DMBT1: variants seen among roughly 807,000 people sequenced by gnomAD.
DMBT1 encodes scavenger receptor cysteine-rich domain-containing protein DMBT1.
In DMBT1, 198 loss-of-function variants were observed where a neutral mutation model predicts 252.9. The observed-to-expected ratio is 0.78, with a 90% CI of 0.70 to 0.88. The LOEUF is 0.88. Ranked by LOEUF, DMBT1 falls within the 40% of genes least tolerant of loss-of-function variation. The pLI, the probability that DMBT1 is intolerant of heterozygous loss-of-function variation, is 0.00. For missense variants in DMBT1, 2,432 were observed against 2,404.7 expected (o/e 1.01, Z -0.24); for synonymous variants, 990 against 942.7 (o/e 1.05, Z -0.92).
At chr10:122,632,763 A>T in intron 50 of DMBT1, 98 bp from the exon 51 acceptor site, 1 of 1,506,672 alleles carries the variant, frequency 6.6e-7, no homozygotes, top group Non-Finnish European at 9.1e-7. Flanking sequence ...CTCCCTGTGG[A>T]CTCAGGCTTG....
intron 27 of DMBT1, 107 bp downstream of exon 27, chr10:122,600,200 A>T: frequency 6.9e-7 from 1 of 1,440,846 alleles, no homozygotes; most frequent in Non-Finnish European, 9.4e-7. Context: ...ACTGTGGGGC[A>T]TATTATTTCT....
chr10:122,579,611 A>T lies in DMBT1; in HGVS notation c.713A>T (p.Asn238Ile), dbSNP rs2097747816. The T allele has an allele frequency of 6.2e-7, 1 of 1,613,306 alleles. No individual in the cohort carries two copies. The highest frequency in any genetic ancestry group is 1.3e-5 in the African/African-American group (1 of 74,896). ...TCCAGTTTGGCCCTGAGGCTGGTGA[A>T]TGGAGGCGACAGGTGTCGAGGCCGA... ...SESSLALRLV[N>I]GGDRCRGRVE... The change falls in exon 10 of 56, where the codon AAT becomes ATT. Residue 238 changes from asparagine to isoleucine, a missense_variant. Asn to Ile is a moderately radical substitution (Grantham distance 149, BLOSUM62 -3). This residue lies in a region of DMBT1 where 1,264 missense variants were observed against 1,082.2 expected (regional missense o/e 1.17). Transcript: ENST00000338354.
Position 122,593,097 on chromosome 10 carries a change from T to C in DMBT1, c.2501-472T>C, listed in dbSNP as rs538613519. 8.1e-5 allele frequency among the ~76,000 whole-genome samples: 12 copies of C among 148,992 alleles called. 1 individual carries two copies. The highest frequency in any genetic ancestry group is 4.5e-4 in the South Asian group (2 of 4,438). On this transcript the variant is annotated intron_variant, in intron 20 of 55. Coordinates refer to ENST00000338354, the MANE Select transcript of DMBT1 (RefSeq NM_001377530.1). ...GTCTGGTTCTATCAGGCCTGGGTTG[T>C]GTGAGGTTGGAGTCCTTGACCTCAG...
intron 8 of DMBT1, among the ~76,000 whole-genome samples, chr10:122,578,049 TC>T (rs2097728473): frequency 6.6e-6 from 1 of 152,206 alleles, no homozygotes; most frequent in Non-Finnish European, 1.5e-5. Flanking sequence ...TCAGCTTTCA[TC>T]ACACAGTTCC....
intron 15 of DMBT1, 94 bp downstream of exon 15, chr10:122,585,403 CCT>C (rs2097781033): frequency 6.9e-7 from 1 of 1,453,970 alleles, no homozygotes; most frequent in African/African-American, 1.4e-5. Flanking sequence ...AAGGTGGGCC[CCT>C]CTGTTTTTCA....
At chr10:122,564,993 A>G (rs957099223) in intron 1 of DMBT1, among the ~76,000 whole-genome samples, 4 of 151,952 alleles carry the variant, frequency 2.6e-5, no homozygotes, top group African/African-American at 4.8e-5. Context: ...ACTGCATTCA[A>G]TGAAAGCTAA....
Position 122,640,348 on chromosome 10 carries a change from C to T in DMBT1, c.7251C>T (p.Ile2417=), listed in dbSNP as rs867396278. 5 of 1,614,072 alleles carry T rather than the reference C, an allele frequency of 3.1e-6. No homozygotes were observed. The highest frequency in any genetic ancestry group is 4.2e-6 in the Non-Finnish European group (5 of 1,179,908). ...LNQDLYVQAE[I]LHSDAVLTLF... is the part of the protein sequence containing the mutation. ...AGGACTTGTACGTTCAGGCTGAAAT[C>T]CTCCATTCTGATGCTGTACTGACCT... Residue 2417 remains isoleucine, a synonymous_variant, in exon 55 of 56, where the codon ATC becomes ATT. Transcript: ENST00000338354.
intron 25 of DMBT1, among the ~76,000 whole-genome samples, chr10:122,598,521 G>T (rs545689446): frequency 6.6e-6 from 1 of 152,268 alleles, no homozygotes; most frequent in African/African-American, 2.4e-5. Context: ...AGGGAATGGG[G>T]TTTCCATTCC....
intron 1 of DMBT1, among the ~76,000 whole-genome samples, chr10:122,564,672 T>A (rs573567136): frequency 4.6e-5 from 7 of 152,206 alleles, no homozygotes; most frequent in Non-Finnish European, 8.8e-5. Flanking sequence ...GAAGTTCTTG[T>A]TGCAAAATAT....
chr10:122,587,010 C>T (rs2097795756), intron 16 of DMBT1, among the ~76,000 whole-genome samples: 1 of 148,400 alleles, frequency 6.7e-6, no homozygotes, highest in Non-Finnish European at 1.5e-5. Context: ...TACCCCTGAC[C>T]AGGGAGGACA....
intron 50 of DMBT1, 48 bp downstream of exon 50, chr10:122,631,923 C>G (rs1441917268): frequency 3.1e-6 from 5 of 1,596,098 alleles, no homozygotes; most frequent in Non-Finnish European, 4.3e-6. Flanking sequence ...CCAGGTCTCT[C>G]CATTACTGCT....
chr10:122,632,543 T>G (rs1400510835), intron 50 of DMBT1, among the ~76,000 whole-genome samples: 2 of 152,126 alleles, frequency 1.3e-5, no homozygotes, highest in Non-Finnish European at 2.9e-5. Context: ...TTCCTCTGCC[T>G]GGGACACCCC....
At chr10:122,589,375 T>C (rs2097826617) in intron 17 of DMBT1, 108 bp downstream of exon 17, 1 of 1,488,246 alleles carries the variant, frequency 6.7e-7, no homozygotes, top group Admixed American at 1.9e-5. Flanking sequence ...CTTTCCTATG[T>C]TTCTGATATC....
In DMBT1 at chr10:122,643,158, G is replaced by A. The variant is rs745517819; in HGVS notation, c.7389G>A (p.Ser2463=). The A allele has an allele frequency of 1.2e-6, 2 of 1,613,778 alleles. No homozygotes were observed. Among genetic ancestry groups the A allele is most frequent in the African/African-American group, 1.3e-5 (1 of 74,884 alleles). The change falls in exon 56 of 56, where the codon TCG becomes TCA. Residue 2463 remains serine (S), a synonymous_variant. Transcript: ENST00000338354. Reference sequence around the variant, plus strand: ...ATGACACCTACGGACCCTACTCCTCGCCATCTCTTCGCATTGCCCGCTTCC... The same window carrying A: ...ATGACACCTACGGACCCTACTCCTCACCATCTCTTCGCATTGCCCGCTTCC... ...VRDDTYGPYS[S]PSLRIARFRF...
At chr10:122,617,913 C>T (rs1036901592) in intron 40 of DMBT1, 104 bp from the exon 41 acceptor site, 4 of 1,553,216 alleles carry the variant, frequency 2.6e-6, no homozygotes, top group Non-Finnish European at 3.5e-6. Flanking sequence ...TGACTGCTTG[C>T]CCAGGTGACT....
At position 122,579,720 on chromosome 10, in the gene DMBT1, G is replaced by A. The variant is rs772783083; in HGVS notation, c.822G>A (p.Gln274=). The A allele has an allele frequency of 5.6e-6, 9 of 1,613,776 alleles. No homozygotes were observed. Among genetic ancestry groups the A allele is most frequent in the East Asian group, 2.2e-5 (1 of 44,874 alleles). The part of the protein sequence containing the change: ...DTNDANVVCR[Q]LGCGWAMSAP... Reference sequence around the variant, plus strand: ...ATGATGCCAATGTGGTCTGCAGGCAGCTGGGCTGTGGCTGGGCCATGTCAG... The same window carrying A: ...ATGATGCCAATGTGGTCTGCAGGCAACTGGGCTGTGGCTGGGCCATGTCAG... The change falls in exon 10 of 56, where the codon CAG becomes CAA. Residue 274 remains glutamine (Q), a synonymous_variant. Coordinates refer to ENST00000338354, the MANE Select transcript of DMBT1 (RefSeq NM_001377530.1).
intron 15 of DMBT1, 76 bp from the exon 16 acceptor site, chr10:122,585,984 C>T: frequency 6.3e-7 from 1 of 1,578,332 alleles, no homozygotes; most frequent in South Asian, 1.2e-5. Flanking sequence ...TTAGGACGTG[C>T]CTTGAGTGTG....
chr10:122,592,434 C>G lies in DMBT1; in HGVS notation c.2339C>G (p.Thr780Arg), dbSNP rs199704744. Residue 780 changes from threonine to arginine, a missense_variant, in exon 20 of 56, where the codon ACG becomes AGG. Transcript: ENST00000338354. ...AGGCAGCTGGGCTGTGGCTGGGCCACGTCGGCCCCAGGAAATGCCCGGTTT... is the reference window on the plus strand; with the variant it reads ...AGGCAGCTGGGCTGTGGCTGGGCCAGGTCGGCCCCAGGAAATGCCCGGTTT... ...VCRQLGCGWA[T>R]SAPGNARFGQ... 1.1e-5 allele frequency: 17 copies of G among 1,588,292 alleles called. 2 individuals carry two copies. Among genetic ancestry groups the G allele is most frequent in the Non-Finnish European group, 1.5e-5 (17 of 1,165,764 alleles).
intron 9 of DMBT1, among the ~76,000 whole-genome samples, chr10:122,579,060 C>A (rs1424084334): frequency 6.6e-6 from 1 of 151,986 alleles, no homozygotes; most frequent in East Asian, 1.9e-4. Flanking sequence ...CTCTGAAAAC[C>A]CAGAATTAGA....
Sources: gnomAD v4.1 joint callset for allele counts (sites outside exome capture counted in the v4.1 genomes callset) on GRCh38, gnomAD v4.1.1 for gene constraint, gnomAD v4.1.1 regional missense constraint, MANE v1.5 for transcripts, NCBI Gene and HGNC (gene_info 2026-07-23, HGNC 2026-07-21) for gene names.